Variants in PIP4K2A observed in about 807,000 individuals in gnomAD.
PIP4K2A encodes phosphatidylinositol 5-phosphate 4-kinase type-2 alpha.
A neutral mutation model predicts 42.9 loss-of-function variants in PIP4K2A; 14 were observed. The observed-to-expected ratio is 0.33, with a 90% CI of 0.22 to 0.51. The LOEUF is 0.51. Ranked by LOEUF, PIP4K2A falls within the 20% of genes least tolerant of loss-of-function variation. PIP4K2A has a pLI of 0.97. For missense variants in PIP4K2A, 434 were observed against 519.8 expected (o/e 0.83, Z 1.61); for synonymous variants, 192 against 192.2 (o/e 1.00, Z 0.01).
At chr10:22,670,623 TTCCA>T (rs1445144359) in intron 1 of PIP4K2A, among the ~76,000 whole-genome samples, 1 of 152,222 alleles carries the variant, frequency 6.6e-6, no homozygotes, top group Non-Finnish European at 1.5e-5. Context: ...CGTCTGCATT[TTCCA>T]TAATATGTTA....
intron 1 of PIP4K2A, among the ~76,000 whole-genome samples, chr10:22,682,391 T>C (rs1011862544): frequency 2.0e-5 from 3 of 152,216 alleles, no homozygotes; most frequent in Admixed American, 6.5e-5. Context: ...CTTGCCTTTA[T>C]TTTCTAGAAA....
At chr10:22,664,220 T>C (rs1431759844) in intron 1 of PIP4K2A, among the ~76,000 whole-genome samples, 1 of 45,540 alleles carries the variant, frequency 2.2e-5, no homozygotes, top group East Asian at 1.0e-3. Context: ...TATATATACA[T>C]ATATATATAC....
chr10:22,543,131 G>A (rs780123861), intron 7 of PIP4K2A, among the ~76,000 whole-genome samples: 3 of 152,184 alleles, frequency 2.0e-5, no homozygotes, highest in East Asian at 1.9e-4. Flanking sequence ...GCTAAGCCCC[G>A]CAGAGTCATT....
chr10:22,552,441 TTAA>T (rs1186105202), intron 6 of PIP4K2A, among the ~76,000 whole-genome samples: 1 of 152,140 alleles, frequency 6.6e-6, no homozygotes, highest in East Asian at 1.9e-4. Flanking sequence ...AAATCTGTCA[TTAA>T]TAATTTTAAA....
chr10:22,585,111 C>T (rs536528260), intron 4 of PIP4K2A, among the ~76,000 whole-genome samples: 1 of 152,304 alleles, frequency 6.6e-6, no homozygotes, highest in African/African-American at 2.4e-5. Context: ...GGTGCTATAA[C>T]CCTCTCCACT....
intron 1 of PIP4K2A, among the ~76,000 whole-genome samples, chr10:22,666,304 C>T (rs1041384672): frequency 6.6e-6 from 1 of 152,136 alleles, no homozygotes; most frequent in African/African-American, 2.4e-5. Flanking sequence ...TATTGTATAA[C>T]TTACTGATTA....
At chr10:22,684,114 A>G (rs2032027) in intron 1 of PIP4K2A, among the ~76,000 whole-genome samples, 12,963 of 152,102 alleles carry the variant, frequency 0.085, 1,497 homozygotes, top group African/African-American at 0.26. Context: ...CTGTATTACA[A>G]TTTAGTATGC....
At chr10:22,587,992 T>C (rs1012936070) in intron 4 of PIP4K2A, among the ~76,000 whole-genome samples, 3 of 152,218 alleles carry the variant, frequency 2.0e-5, no homozygotes, top group African/African-American at 7.2e-5. Context: ...GCTGTGTGAA[T>C]GTTGAGACCT....
In PIP4K2A at chr10:22,623,172, T is replaced by A. The variant is rs561995295; in HGVS notation, c.145-13455A>T. ...AATGTGCTACCATTGACTTTTTTTT[T>A]AAAAAAAAAGGTTACACATTCATGT... On this transcript the variant is annotated intron_variant, in intron 1 of 9. Transcript: ENST00000376573. Among the ~76,000 whole-genome samples, 136 of 150,074 alleles carry A rather than the reference T, an allele frequency of 9.1e-4. 1 individual carries two copies. Among genetic ancestry groups the A allele is most frequent in the East Asian group, 2.7e-3 (14 of 5,128 alleles).
At chr10:22,619,915 G>A (rs981287644) in intron 1 of PIP4K2A, among the ~76,000 whole-genome samples, 5 of 152,160 alleles carry the variant, frequency 3.3e-5, no homozygotes, top group African/African-American at 1.2e-4. Context: ...GATATCAAAG[G>A]TGAGTAGGAA....
intron 1 of PIP4K2A, among the ~76,000 whole-genome samples, chr10:22,681,945 A>G (rs1403443729): frequency 2.0e-5 from 3 of 152,188 alleles, no homozygotes; most frequent in Non-Finnish European, 4.4e-5. Flanking sequence ...ACAGACACTG[A>G]AATTTGAATT....
chr10:22,672,515 T>C (rs1362953945), intron 1 of PIP4K2A, among the ~76,000 whole-genome samples: 1 of 152,214 alleles, frequency 6.6e-6, no homozygotes, highest in Non-Finnish European at 1.5e-5. Context: ...ATGTCACAGG[T>C]GTACTTGTGA....
rs201896364 is a variant in PIP4K2A at position 22,537,246 on chromosome 10, C to T, written c.1176G>A (p.Gln392=). The T allele has an allele frequency of 2.4e-4, 385 of 1,607,104 alleles. No homozygotes were observed. Among genetic ancestry groups the T allele is most frequent in the Non-Finnish European group, 3.1e-4 (365 of 1,175,904 alleles). Residue 392 remains glutamine, a synonymous_variant, in exon 10 of 10, where the codon CAG becomes CAA. Coordinates refer to ENST00000376573, the MANE Select transcript of PIP4K2A (RefSeq NM_005028.5). ...GAEISTVNPE[Q]YSKRFLDFIG... is the part of the protein sequence containing the mutation. ...TAAAGTCCAAAAAGCGCTTTGAATA[C>T]TGTTCTGGGTTCACGGTGGAGATCT...
At chr10:22,656,997 C>T (rs1839114137) in intron 1 of PIP4K2A, among the ~76,000 whole-genome samples, 1 of 152,132 alleles carries the variant, frequency 6.6e-6, no homozygotes, top group African/African-American at 2.4e-5. Context: ...ATTCTAAACT[C>T]CCTGAGCTTG....
intron 7 of PIP4K2A, among the ~76,000 whole-genome samples, chr10:22,548,699 G>C (rs1243846811): frequency 1.3e-5 from 2 of 152,170 alleles, no homozygotes; most frequent in Non-Finnish European, 2.9e-5. Context: ...AAAGACTGGA[G>C]GAAAATGTTA....
At chr10:22,692,080 ATAAT>A (rs1839882795) in intron 1 of PIP4K2A, among the ~76,000 whole-genome samples, 1 of 152,054 alleles carries the variant, frequency 6.6e-6, no homozygotes, top group Non-Finnish European at 1.5e-5. Context: ...ACATAATGAG[ATAAT>A]TATACAACTC....
chr10:22,683,660 G>GT (rs1369178041), intron 1 of PIP4K2A, among the ~76,000 whole-genome samples: 1 of 152,044 alleles, frequency 6.6e-6, no homozygotes, highest in Non-Finnish European at 1.5e-5. Flanking sequence ...CTTCTGCAGG[G>GT]TTTGATAAAG....
At chr10:22,645,341 T>C (rs574681760) in intron 1 of PIP4K2A, among the ~76,000 whole-genome samples, 58 of 150,532 alleles carry the variant, frequency 3.9e-4, no homozygotes, top group Non-Finnish European at 7.4e-4. Flanking sequence ...AGCCCAGGAG[T>C]TTCAGACCAG....
At chr10:22,652,251 T>C (rs954489843) in intron 1 of PIP4K2A, among the ~76,000 whole-genome samples, 6 of 152,086 alleles carry the variant, frequency 3.9e-5, no homozygotes, top group Middle Eastern at 3.4e-3. Context: ...GTCTCCCGAG[T>C]AGCTGGGACT....
Sources: gnomAD v4.1 joint callset for allele counts (sites outside exome capture counted in the v4.1 genomes callset) on GRCh38, gnomAD v4.1.1 for gene constraint, MANE v1.5 for transcripts, NCBI Gene and HGNC (gene_info 2026-07-23, HGNC 2026-07-21) for gene names.